MOB4: variants seen among roughly 807,000 people sequenced by gnomAD.
MOB4 encodes the protein MOB-like protein phocein.
In MOB4, 4 loss-of-function variants were observed where a neutral mutation model predicts 32.2. The observed-to-expected ratio is 0.12, with a 90% CI of 0.06 to 0.28. The LOEUF (loss-of-function observed/expected upper bound fraction) is 0.28, where lower values mean the gene tolerates loss of function less well. MOB4 is among the 10% of genes least tolerant of loss of function. MOB4 has a pLI of 1.00. For missense variants in MOB4, 158 were observed against 271.2 expected (o/e 0.58, Z 2.93); for synonymous variants, 88 against 88.1 (o/e 1.00, Z 0.01).
rs560871353 is a variant in MOB4 at position 197,519,096 on chromosome 2, G to A, written c.60+2950G>A. 8.2e-4 allele frequency among the ~76,000 whole-genome samples: 124 copies of A among 151,678 alleles called. 1 individual carries two copies. The highest frequency in any genetic ancestry group is 2.8e-3 in the African/African-American group (115 of 41,344). ...TTTTTAGTAGAGATGGGGTTTCAGC[G>A]TGTTAGCCAGGTTGGTCTCGAACTC... is the stretch of plus-strand genomic sequence containing the variant. On this transcript the variant is annotated intron_variant, in intron 1 of 7. Coordinates refer to ENST00000323303, the MANE Select transcript of MOB4 (RefSeq NM_015387.5).
intron 2 of MOB4, among the ~76,000 whole-genome samples, chr2:197,525,679 C>T (rs1173289057): frequency 6.8e-6 from 1 of 147,776 alleles, no homozygotes; most frequent in Middle Eastern, 3.3e-3. Flanking sequence ...TGCACCACTG[C>T]ACTCCAGGCT....
At chr2:197,547,386 T>C (rs2087015454) in intron 5 of MOB4, among the ~76,000 whole-genome samples, 1 of 152,232 alleles carries the variant, frequency 6.6e-6, no homozygotes, top group African/African-American at 2.4e-5. Flanking sequence ...GGATATTTGC[T>C]TTTGACCAAC....
At chr2:197,516,324 C>T in intron 1 of MOB4, 178 bp downstream of exon 1, 9 of 1,426,206 alleles carry the variant, frequency 6.3e-6, no homozygotes, top group Non-Finnish European at 8.2e-6. Flanking sequence ...CGGTGGCGGC[C>T]GCCGTGAGGC....
intron 1 of MOB4, among the ~76,000 whole-genome samples, chr2:197,519,587 A>T (rs1313523811): frequency 6.6e-6 from 1 of 152,260 alleles, no homozygotes; most frequent in Non-Finnish European, 1.5e-5. Flanking sequence ...GAAAGCCGGT[A>T]CATGTTTAGT....
At position 197,522,285 on chromosome 2, in the gene MOB4, T is replaced by G. The variant is rs1277340157; in HGVS notation, c.61-1339T>G. On this transcript the variant is annotated intron_variant, in intron 1 of 7. Transcript: ENST00000323303. ...TGTGCTAGCAAATACTAGGTCTTAT[T>G]CATTCTTTCTATTTTTTTTGTACCC... Among the ~76,000 whole-genome samples the G allele has an allele frequency of 4.6e-5, 7 of 151,572 alleles. No homozygotes were observed. In the East Asian group the frequency reaches 1.4e-3, roughly 29 times the overall value.
chr2:197,516,313 G>A (rs924838700), intron 1 of MOB4, 167 bp downstream of exon 1: 23 of 1,431,658 alleles, frequency 1.6e-5, no homozygotes, highest in Non-Finnish European at 2.1e-5. Context: ...TTTGGCTGAG[G>A]CGGTGGCGGC....
chr2:197,515,957 C>A (rs2086401288), upstream of MOB4: 2 of 935,056 alleles, frequency 2.1e-6, no homozygotes, highest in Non-Finnish European at 1.6e-6. Context: ...CGGCTCCCGG[C>A]GCAGGCTGCA....
chr2:197,520,276 G>C (rs1352871913), intron 1 of MOB4, among the ~76,000 whole-genome samples: 1 of 150,742 alleles, frequency 6.6e-6, no homozygotes, highest in African/African-American at 2.4e-5. Context: ...TCCGCTTCCT[G>C]GGTTTGCGCC....
rs762323082 is a variant in MOB4, at chr2:197,523,705, T to G, written c.123+19T>G. On this transcript the variant is annotated intron_variant, in intron 2 of 7. Coordinates refer to ENST00000323303, the MANE Select transcript of MOB4 (RefSeq NM_015387.5). Reference sequence around the variant, plus strand: ...TCAACAGGTAATAAAAATAGTTTCTTTTCACCCTGTGTCTTTTGGAGTACG... The same window carrying G: ...TCAACAGGTAATAAAAATAGTTTCTGTTCACCCTGTGTCTTTTGGAGTACG... 2.9e-5 allele frequency: 46 copies of G among 1,596,204 alleles called. No individual in the cohort carries two copies. The highest frequency in any genetic ancestry group is 3.9e-5 in the Non-Finnish European group (46 of 1,174,042).
chr2:197,541,763 C>T (rs1420814295), intron 5 of MOB4, among the ~76,000 whole-genome samples: 1 of 151,730 alleles, frequency 6.6e-6, no homozygotes, highest in Non-Finnish European at 1.5e-5. Flanking sequence ...ATTAAAAATA[C>T]AAAAAATTAG....
chr2:197,516,617 C>T (rs1472854709), intron 1 of MOB4: 3 of 473,306 alleles, frequency 6.3e-6, no homozygotes, highest in Middle Eastern at 3.3e-4. Flanking sequence ...TACCCGTTTC[C>T]TGCCATCCAG....
intron 2 of MOB4, 44 bp downstream of exon 2, chr2:197,523,730 G>A (rs368168359): frequency 1.3e-5 from 21 of 1,564,350 alleles, no homozygotes; most frequent in African/African-American, 2.7e-5. Flanking sequence ...TTTGGAGTAC[G>A]ATGTGTAAGT....
At chr2:197,540,218 A>T in intron 4 of MOB4, 65 bp downstream of exon 4, 1 of 1,566,768 alleles carries the variant, frequency 6.4e-7, no homozygotes, top group South Asian at 1.2e-5. Context: ...TGTTTTTATA[A>T]CTTAATGTGC....
intron 3 of MOB4, among the ~76,000 whole-genome samples, chr2:197,538,725 A>G (rs2086845851): frequency 6.6e-6 from 1 of 152,196 alleles, no homozygotes; most frequent in Non-Finnish European, 1.5e-5. Flanking sequence ...TGCTGAATCA[A>G]CTTAATTTTG....
At chr2:197,540,182 A>G in intron 4 of MOB4, 29 bp downstream of exon 4, 2 of 1,597,240 alleles carry the variant, frequency 1.3e-6, no homozygotes, top group Non-Finnish European at 1.7e-6. Context: ...CAAAGTTATA[A>G]TTGAAAGTTC....
intron 2 of MOB4, 36 bp from the exon 3 acceptor site, chr2:197,535,493 AT>A (rs1267282057): frequency 6.5e-7 from 1 of 1,550,304 alleles, no homozygotes; most frequent in South Asian, 1.2e-5. Flanking sequence ...ACCAGGTGAT[AT>A]AATTTAATTA....
At position 197,552,291 on chromosome 2, in the gene MOB4, A is replaced by G. The variant is rs1186609560; in HGVS notation, c.*1645A>G. ...GAAATTATGGATTTATATTAATGGC[A>G]CTATAAACCAATGGTAATGGTAATT... On this transcript the variant is annotated 3_prime_UTR_variant, in exon 8 of 8. Coordinates refer to ENST00000323303, the MANE Select transcript of MOB4 (RefSeq NM_015387.5). 2 of 152,340 alleles carry G rather than the reference A, an allele frequency of 1.3e-5. No individual in the cohort carries two copies. Among genetic ancestry groups the G allele is most frequent in the East Asian group, 3.7e-4 (2 of 5,336 alleles). 9.4% of individuals were successfully genotyped at this position (152,340 alleles called of 1,614,324 possible). A position where few individuals can be genotyped will look rare whatever the true frequency, so the allele number is the denominator to read the frequency against.
intron 1 of MOB4, 26 bp downstream of exon 1, chr2:197,516,172 G>A: frequency 6.3e-7 from 1 of 1,585,840 alleles, no homozygotes; most frequent in East Asian, 2.3e-5. Context: ...TTTTCTTGTC[G>A]GGCAACTAGG....
intron 1 of MOB4, among the ~76,000 whole-genome samples, chr2:197,521,580 T>G (rs1381585826): frequency 1.3e-5 from 2 of 152,056 alleles, no homozygotes. Flanking sequence ...AGACTGGGGT[T>G]TATTTCACCC....
Sources: gnomAD v4.1 joint callset for allele counts (sites outside exome capture counted in the v4.1 genomes callset) on GRCh38, gnomAD v4.1.1 for gene constraint, MANE v1.5 for transcripts, NCBI Gene and HGNC (gene_info 2026-07-23, HGNC 2026-07-21) for gene names.